CNOT6: variants seen among roughly 807,000 people sequenced by gnomAD.
CNOT6 encodes CCR4-NOT transcription complex subunit 6.
CNOT6 carries 12 observed loss-of-function variants against 61.2 expected under a neutral mutation model. The ratio of observed to expected loss-of-function variants is 0.20; its 90% CI spans 0.13 to 0.32. The LOEUF is 0.32. Ranked by LOEUF, CNOT6 falls within the 10% of genes least tolerant of loss-of-function variation. CNOT6 has a pLI of 1.00. For missense variants in CNOT6, 405 were observed against 663.9 expected, an observed-to-expected ratio of 0.61 and a Z score of 4.28; for synonymous variants, 225 against 240.6, an observed-to-expected ratio of 0.94 and a Z score of 0.60.
intron 1 of CNOT6, among the ~76,000 whole-genome samples, chr5:180,504,562 T>C (rs1757036706): frequency 6.6e-6 from 1 of 152,306 alleles, no homozygotes; most frequent in South Asian, 2.1e-4. Context: ...CAAAGATTCA[T>C]GTTGGCATAA....
At chr5:180,529,674 A>G (rs1400333454) in intron 2 of CNOT6, among the ~76,000 whole-genome samples, 1 of 152,260 alleles carries the variant, frequency 6.6e-6, no homozygotes, top group Non-Finnish European at 1.5e-5. Flanking sequence ...AATGAAAATA[A>G]CACATGTGAA....
chr5:180,577,236 A>C lies in CNOT6; in HGVS notation c.*3036A>C, dbSNP rs928289296. On this transcript the variant is annotated 3_prime_UTR_variant, in exon 12 of 12. Transcript: ENST00000261951. ...TGACAACCAGGAAAACTTACTTGGG[A>C]TTATTAGCACTTTCAAACTTAGGGA... 4.0e-5 allele frequency: 6 copies of C among 151,444 alleles called. No homozygotes were observed. Among genetic ancestry groups the C allele is most frequent in the African/African-American group, 1.5e-4 (6 of 41,030 alleles). The allele number at this position is 151,444 out of a possible 1,614,324, so 9.4% of individuals were successfully genotyped here. A position where few individuals can be genotyped will look rare whatever the true frequency, so the allele number is the denominator to read the frequency against.
At chr5:180,506,412 G>C (rs1041095300) in intron 1 of CNOT6, among the ~76,000 whole-genome samples, 1 of 152,154 alleles carries the variant, frequency 6.6e-6, no homozygotes, top group Non-Finnish European at 1.5e-5. Context: ...GATTATAATA[G>C]TGTCTGCTCA....
At chr5:180,516,236 A>G (rs1176660564) in intron 1 of CNOT6, among the ~76,000 whole-genome samples, 1 of 147,008 alleles carries the variant, frequency 6.8e-6, no homozygotes, top group Non-Finnish European at 1.5e-5. Flanking sequence ...GCTGGAGTGC[A>G]GTGGCGCCAC....
chr5:180,566,097 G>A (rs568735418), intron 7 of CNOT6, 120 bp downstream of exon 7: 3 of 915,586 alleles, frequency 3.3e-6, no homozygotes, highest in South Asian at 2.0e-5. Flanking sequence ...GCTTTTTTCT[G>A]TTATTAGTGA....
intron 4 of CNOT6, among the ~76,000 whole-genome samples, chr5:180,560,441 CT>C (rs1277958489): frequency 6.6e-6 from 1 of 152,042 alleles, no homozygotes; most frequent in East Asian, 1.9e-4. Context: ...TTTTTGTCCT[CT>C]GAGATTGTCT....
chr5:180,518,978 C>G (rs1418802373), intron 1 of CNOT6, among the ~76,000 whole-genome samples: 1 of 152,162 alleles, frequency 6.6e-6, no homozygotes. Flanking sequence ...CTACAAAGTT[C>G]TGGGATTACA....
rs1760369316 is a variant in CNOT6, at chr5:180,564,756, T to C, written c.559+13T>C. 6.2e-7 allele frequency: 1 copy of C among 1,600,782 alleles called. No individual in the cohort carries two copies. The highest frequency in any genetic ancestry group is 1.3e-5 in the African/African-American group (1 of 74,592). On this transcript the variant is annotated intron_variant, in intron 6 of 11. Transcript: ENST00000261951. ...ACAAGGCCAACTGGTTGGTAGTCTTTTATTTTTTAACTGTTATTTTTGCTC... is the reference window on the plus strand; with the variant it reads ...ACAAGGCCAACTGGTTGGTAGTCTTCTATTTTTTAACTGTTATTTTTGCTC...
rs1756820330 is a variant in CNOT6, at chr5:180,500,441, C to CTTTTCT, written c.-3+5682_-3+5683insCTTTTT. 5.5e-5 allele frequency among the ~76,000 whole-genome samples: 7 copies of CTTTTCT among 126,638 alleles called. No individual in the cohort carries two copies. The South Asian group carries it at 1.7e-3, about 31-fold the overall frequency. 83.1% of individuals were successfully genotyped at this position (126,638 alleles called of 152,430 possible). On this transcript the variant is annotated intron_variant, in intron 1 of 11. Transcript: ENST00000261951. ...TCACGTTTTCTTTTTCTTTTCTTTTCTTTTTTTTTTTTTTGAGATGGAGTC... is the reference window on the plus strand; with the variant it reads ...TCACGTTTTCTTTTTCTTTTCTTTTCTTTTCTTTTTTTTTTTTTTTGAGATGGAGTC...
intron 1 of CNOT6, 71 bp from the exon 2 acceptor site, chr5:180,529,197 CAAAAAAA>C: frequency 1.7e-6 from 1 of 581,176 alleles, no homozygotes. Context: ...GACTTCGTCT[CAAAAAAA>C]AAAAAAAAAG....
intron 1 of CNOT6, among the ~76,000 whole-genome samples, chr5:180,528,252 GTCAC>G (rs1176385367): frequency 2.6e-5 from 4 of 152,174 alleles, no homozygotes; most frequent in Admixed American, 2.0e-4. Flanking sequence ...GTTAAAAACA[GTCAC>G]TCACCTAGTT....
At chr5:180,550,140 A>G (rs1759521396) in intron 3 of CNOT6, 23 bp downstream of exon 3, 4 of 1,592,626 alleles carry the variant, frequency 2.5e-6, no homozygotes, top group Non-Finnish European at 3.4e-6. Flanking sequence ...AACTTAATAC[A>G]TACTAGCTAT....
intron 3 of CNOT6, among the ~76,000 whole-genome samples, chr5:180,550,471 A>T (rs1435196366): frequency 6.6e-6 from 1 of 152,132 alleles, no homozygotes; most frequent in Admixed American, 6.5e-5. Flanking sequence ...AAACAAAAAA[A>T]CATTTGTTGT....
chr5:180,513,694 TTTA>T, intron 1 of CNOT6, among the ~76,000 whole-genome samples: 1 of 142,820 alleles, frequency 7.0e-6, no homozygotes, highest in Middle Eastern at 3.8e-3. Context: ...TATTTATTTA[TTTA>T]TTTTTATTTA....
intron 2 of CNOT6, among the ~76,000 whole-genome samples, chr5:180,536,943 A>ATGTT (rs1758726448): frequency 6.6e-6 from 1 of 152,154 alleles, no homozygotes; most frequent in South Asian, 2.1e-4. Flanking sequence ...TTAGTAATAG[A>ATGTT]TGTTTATGTT....
At chr5:180,500,535 T>C (rs1190903962) in intron 1 of CNOT6, among the ~76,000 whole-genome samples, 1 of 151,994 alleles carries the variant, frequency 6.6e-6, no homozygotes, top group African/African-American at 2.4e-5. Flanking sequence ...CCTCCCGGGT[T>C]CACGCCATTC....
intron 2 of CNOT6, among the ~76,000 whole-genome samples, chr5:180,535,365 C>CA (rs1415255804): frequency 1.3e-5 from 2 of 152,190 alleles, no homozygotes; most frequent in Non-Finnish European, 2.9e-5. Context: ...TCTGTATGTG[C>CA]ATGTGTACCC....
chr5:180,523,673 A>T (rs1446533511), intron 1 of CNOT6, among the ~76,000 whole-genome samples: 1 of 151,766 alleles, frequency 6.6e-6, no homozygotes, highest in Non-Finnish European at 1.5e-5. Context: ...ACTTTACTTC[A>T]TATTCTGCTA....
At chr5:180,558,271 AC>A (rs1323498212) in intron 4 of CNOT6, among the ~76,000 whole-genome samples, 1 of 152,110 alleles carries the variant, frequency 6.6e-6, no homozygotes, top group Non-Finnish European at 1.5e-5. Flanking sequence ...GCCAAGACAG[AC>A]GCATGGGAGG....
Sources: allele counts gnomAD v4.1 joint callset (sites outside exome capture counted in the v4.1 genomes callset), GRCh38; gene constraint gnomAD v4.1.1; transcripts MANE v1.5; gene names NCBI Gene and HGNC (gene_info 2026-07-23, HGNC 2026-07-21).